The following AUTS2 variants were observed in gnomAD, a reference collection of about 807,000 sequenced individuals.
The protein encoded by AUTS2 is activator of transcription and developmental regulator AUTS2.
In AUTS2, 17 loss-of-function variants were observed where a neutral mutation model predicts 112.4. The observed-to-expected ratio is 0.15, with a 90% CI of 0.10 to 0.23. The LOEUF is 0.23. AUTS2 is among the 10% of genes least tolerant of loss of function. AUTS2 has a pLI of 1.00. For synonymous variants in AUTS2, 751 were observed against 702.7 expected, an observed-to-expected ratio of 1.07 and a Z score of -1.09; for missense variants, 1,510 against 1,701.6, an observed-to-expected ratio of 0.89 and a Z score of 1.98.
At chr7:70,185,257 CTTTTTTTTTTT>C (rs35215443) in intron 4 of AUTS2, among the ~76,000 whole-genome samples, 9 of 87,118 alleles carry the variant, frequency 1.0e-4, no homozygotes, top group South Asian at 5.1e-4. Context: ...TGACATTAAA[CTTTTTTTTTTT>C]TTTTTTTTTT....
intron 4 of AUTS2, among the ~76,000 whole-genome samples, chr7:70,180,298 A>T (rs1809227582): frequency 6.6e-6 from 1 of 152,244 alleles, no homozygotes; most frequent in South Asian, 2.1e-4. Flanking sequence ...AAAATGGAAG[A>T]AAATACTTTA....
chr7:70,789,004 C>G (rs1485830850), intron 18 of AUTS2, among the ~76,000 whole-genome samples: 3 of 152,224 alleles, frequency 2.0e-5, no homozygotes, highest in African/African-American at 7.2e-5. Flanking sequence ...CAGCTGCTCT[C>G]TAAAATTGTT....
intron 2 of AUTS2, among the ~76,000 whole-genome samples, chr7:69,914,836 C>T (rs1392661485): frequency 6.6e-6 from 1 of 152,084 alleles, no homozygotes; most frequent in Non-Finnish European, 1.5e-5. Context: ...TGTCTTTTCA[C>T]TGAAAAATTA....
chr7:70,714,522 G>C (rs1425359269), intron 6 of AUTS2, among the ~76,000 whole-genome samples: 2 of 152,138 alleles, frequency 1.3e-5, no homozygotes, highest in African/African-American at 4.8e-5. Context: ...TCATCTCCAT[G>C]ATTGTCCCAC....
At chr7:69,691,304 C>T (rs1036455145) in intron 1 of AUTS2, among the ~76,000 whole-genome samples, 3 of 152,120 alleles carry the variant, frequency 2.0e-5, no homozygotes, top group Admixed American at 6.5e-5. Flanking sequence ...AGGGGACCTA[C>T]CCCTTTCCGC....
chr7:70,121,124 T>C (rs1483419963), intron 3 of AUTS2, among the ~76,000 whole-genome samples: 1 of 152,148 alleles, frequency 6.6e-6, no homozygotes, highest in Non-Finnish European at 1.5e-5. Context: ...ACAGATGGTG[T>C]TGAGAGAACT....
intron 5 of AUTS2, among the ~76,000 whole-genome samples, chr7:70,619,749 T>C (rs900102375): frequency 6.6e-6 from 1 of 152,144 alleles, no homozygotes; most frequent in African/African-American, 2.4e-5. Context: ...CGACCCCTTT[T>C]AAGTAGAAGA....
intron 5 of AUTS2, among the ~76,000 whole-genome samples, chr7:70,601,617 G>A (rs560389728): frequency 4.5e-4 from 68 of 152,338 alleles, no homozygotes; most frequent in Non-Finnish European, 7.6e-4. Context: ...AGAGTGGTGT[G>A]TGTCAGGGAT....
chr7:69,918,372 A>G (rs1449227625), intron 2 of AUTS2, among the ~76,000 whole-genome samples: 1 of 152,200 alleles, frequency 6.6e-6, no homozygotes, highest in African/African-American at 2.4e-5. Flanking sequence ...GTTACTGGAA[A>G]TAATTTTCAG....
chr7:69,741,309 T>C (rs1030158568), intron 1 of AUTS2, among the ~76,000 whole-genome samples: 4 of 152,214 alleles, frequency 2.6e-5, no homozygotes, highest in Non-Finnish European at 5.9e-5. Flanking sequence ...TTCCTTCTTA[T>C]TCAACTCCAC....
intron 4 of AUTS2, among the ~76,000 whole-genome samples, chr7:70,141,154 C>T (rs1806841486): frequency 1.3e-5 from 2 of 152,110 alleles, no homozygotes; most frequent in South Asian, 4.1e-4. Context: ...GCAACAAAGA[C>T]AAGAATACAG....
At chr7:70,115,980 G>A (rs549718908) in intron 2 of AUTS2, among the ~76,000 whole-genome samples, 1 of 152,232 alleles carries the variant, frequency 6.6e-6, no homozygotes, top group South Asian at 2.1e-4. Context: ...GAATGGACAA[G>A]AAACGTTCAG....
intron 2 of AUTS2, among the ~76,000 whole-genome samples, chr7:70,095,892 C>T (rs1804169616): frequency 6.6e-6 from 1 of 152,136 alleles, no homozygotes; most frequent in African/African-American, 2.4e-5. Context: ...TATACTTCAC[C>T]TCTATGTATT....
rs137944250 is a variant in AUTS2, at chr7:70,615,976, C to T, written c.691-82593C>T. Among the ~76,000 whole-genome samples the T allele has an allele frequency of 2.1e-3, 323 of 152,228 alleles. 1 individual carries two copies. The highest frequency in any genetic ancestry group is 6.6e-3 in the African/African-American group (273 of 41,552). Reference sequence around the variant, plus strand: ...CCCAGGCTGGTCTCGAACTCCAGACCTCAAGTGATCTGCCCACCCTGGCCT... The same window carrying T: ...CCCAGGCTGGTCTCGAACTCCAGACTTCAAGTGATCTGCCCACCCTGGCCT... On this transcript the variant is annotated intron_variant, in intron 5 of 18. Coordinates refer to ENST00000342771, the MANE Select transcript of AUTS2 (RefSeq NM_015570.4).
At chr7:70,533,574 G>A (rs1241002754) in intron 5 of AUTS2, among the ~76,000 whole-genome samples, 1 of 152,212 alleles carries the variant, frequency 6.6e-6, no homozygotes, top group Admixed American at 6.5e-5. Context: ...TTTCTGTTCA[G>A]CTGTCCCTTA....
chr7:70,572,895 G>A (rs934834505), intron 5 of AUTS2, among the ~76,000 whole-genome samples: 1 of 152,212 alleles, frequency 6.6e-6, no homozygotes, highest in African/African-American at 2.4e-5. Flanking sequence ...TATTTGGAAT[G>A]AAAAGAAAGG....
chr7:70,665,992 C>T (rs778063857), intron 5 of AUTS2, among the ~76,000 whole-genome samples: 32 of 152,116 alleles, frequency 2.1e-4, no homozygotes, highest in Non-Finnish European at 1.2e-4. Flanking sequence ...GCTCCACTGG[C>T]GGCTGGGGGC....
intron 5 of AUTS2, among the ~76,000 whole-genome samples, chr7:70,605,537 C>CTTTT (rs1803690562): frequency 9.6e-6 from 1 of 103,646 alleles, no homozygotes; most frequent in African/African-American, 4.4e-5. Context: ...TCTTTCTTTC[C>CTTTT]TTCTTTCTCT....
chr7:69,912,754 T>C (rs1795414240), intron 2 of AUTS2, among the ~76,000 whole-genome samples: 1 of 152,192 alleles, frequency 6.6e-6, no homozygotes, highest in Non-Finnish European at 1.5e-5. Flanking sequence ...CCAGTGTCTT[T>C]TGCTAGCTTC....
Sources: allele counts gnomAD v4.1 joint callset (sites outside exome capture counted in the v4.1 genomes callset), GRCh38; gene constraint gnomAD v4.1.1; transcripts MANE v1.5; gene names NCBI Gene and HGNC (gene_info 2026-07-23, HGNC 2026-07-21).